The following KCNQ2 variants were observed in gnomAD, a reference collection of about 807,000 sequenced individuals.
KCNQ2 encodes the protein potassium voltage-gated channel subfamily KQT member 2.
A neutral mutation model predicts 84.8 loss-of-function variants in KCNQ2; 14 were observed. The ratio of observed to expected loss-of-function variants is 0.17; its 90% confidence interval spans 0.11 to 0.26. The LOEUF (loss-of-function observed/expected upper bound fraction) is 0.26, where lower values mean the gene tolerates loss of function less well. Ranked by LOEUF, KCNQ2 falls within the 10% of genes least tolerant of loss-of-function variation. KCNQ2 has a pLI of 1.00. For missense variants in KCNQ2, 788 were observed against 1,254.0 expected (o/e 0.63, Z 5.61); for synonymous variants, 599 against 554.1 (o/e 1.08, Z -1.14).
rs546484797 is a variant in KCNQ2, at chr20:63,408,818, C to T, written c.1764-282G>A. Reference sequence around the variant, plus strand: ...ACGCTCCCACCAGGGCCGAGTCGCCCGGCTCCTCTCCGTGGGCTCCCGGCT... The same window carrying T: ...ACGCTCCCACCAGGGCCGAGTCGCCTGGCTCCTCTCCGTGGGCTCCCGGCT... On this transcript the variant is annotated intron_variant, in intron 15 of 16. Transcript: ENST00000359125. This position sits in a 1 kb window ranked among gnomAD's most constrained non-coding sequence, Gnocchi z 5.0. Among the ~76,000 whole-genome samples the T allele has an allele frequency of 3.5e-4, 53 of 152,306 alleles. No individual in the cohort carries two copies. The Middle Eastern group carries it at 0.01, about 29-fold the overall frequency.
At chr20:63,416,503 C>T (rs1047671862) in intron 12 of KCNQ2, among the ~76,000 whole-genome samples, 7 of 152,194 alleles carry the variant, frequency 4.6e-5, no homozygotes, top group Non-Finnish European at 8.8e-5. Context: ...ACTGGGGACC[C>T]GCTCATGCCC....
intron 1 of KCNQ2, 32 bp downstream of exon 1, chr20:63,472,136 G>C: frequency 6.9e-7 from 1 of 1,449,484 alleles, no homozygotes. Context: ...GTCGCCATGG[G>C]GGTCGCCACG....
chr20:63,436,343 A>AAC (rs771750233), intron 7 of KCNQ2, among the ~76,000 whole-genome samples: 30 of 152,166 alleles, frequency 2.0e-4, no homozygotes, highest in Non-Finnish European at 3.8e-4. Flanking sequence ...CATCCTGGCT[A>AAC]ACACGGTGAA....
intron 1 of KCNQ2, among the ~76,000 whole-genome samples, chr20:63,462,885 G>A (rs866603821): frequency 3.3e-5 from 5 of 151,452 alleles, no homozygotes; most frequent in South Asian, 2.1e-4. Flanking sequence ...GAAAAGAAGT[G>A]AGTGAACACA....
At position 63,428,249 on chromosome 20, in the gene KCNQ2, G is replaced by A. The variant is rs547253890; in HGVS notation, c.1217+118C>T. 61 of 760,612 alleles carry A rather than the reference G, an allele frequency of 8.0e-5. 1 individual carries two copies. Among genetic ancestry groups the A allele is most frequent in the Middle Eastern group, 6.1e-4 (2 of 3,284 alleles). 47.1% of individuals were successfully genotyped at this position (760,612 alleles called of 1,614,324 possible). A position where few individuals can be genotyped will look rare whatever the true frequency, so the allele number is the denominator to read the frequency against. On this transcript the variant is annotated intron_variant, in intron 10 of 16. Transcript: ENST00000359125. ...CACCATCACCAAGTCCAGCGTCCCCGCGCGTCCCAGCTCCCTGGAGTCCCT... is the reference window on the plus strand; with the variant it reads ...CACCATCACCAAGTCCAGCGTCCCCACGCGTCCCAGCTCCCTGGAGTCCCT...
At chr20:63,417,692 G>A (rs547717116) in intron 12 of KCNQ2, among the ~76,000 whole-genome samples, 1 of 152,382 alleles carries the variant, frequency 6.6e-6, no homozygotes, top group East Asian at 1.9e-4. Context: ...CCCACAGTCC[G>A]CAGGGAGTTG....
intron 1 of KCNQ2, among the ~76,000 whole-genome samples, chr20:63,457,828 G>A (rs564805214): frequency 1.4e-3 from 206 of 152,360 alleles, no homozygotes; most frequent in African/African-American, 4.7e-3. Flanking sequence ...TCTGGGAGCT[G>A]CAGCTGTGGG....
chr20:63,461,913 G>A (rs1249090625), intron 1 of KCNQ2, among the ~76,000 whole-genome samples: 37 of 131,650 alleles, frequency 2.8e-4, no homozygotes, highest in Non-Finnish European at 3.2e-4. Flanking sequence ...GGAGCAGGGA[G>A]GAGGCTGCAC....
At chr20:63,470,027 TG>T (rs1298319161) in intron 1 of KCNQ2, among the ~76,000 whole-genome samples, 1 of 152,218 alleles carries the variant, frequency 6.6e-6, no homozygotes, top group Admixed American at 6.5e-5. Context: ...CACAAAGCCC[TG>T]GGTTGAGAAG....
intron 1 of KCNQ2, among the ~76,000 whole-genome samples, chr20:63,458,370 C>T (rs558682245): frequency 2.0e-5 from 3 of 152,236 alleles, no homozygotes; most frequent in Non-Finnish European, 2.9e-5. Context: ...GTGGACCCCA[C>T]GCGACCCATC....
chr20:63,457,109 G>A lies in KCNQ2; in HGVS notation c.297-10272C>T, dbSNP rs535702764. Among the ~76,000 whole-genome samples, 19 of 152,346 alleles carry A rather than the reference G, an allele frequency of 1.2e-4. No homozygotes were observed. The South Asian group carries it at 2.5e-3, about 20-fold the overall frequency. On this transcript the variant is annotated intron_variant, in intron 1 of 16. Transcript: ENST00000359125. ...CTCAGAAGTGACGGGCGCGGGCGCCGCTGACAGAGTCCAGGCGTGAACCGG... is the reference window on the plus strand; with the variant it reads ...CTCAGAAGTGACGGGCGCGGGCGCCACTGACAGAGTCCAGGCGTGAACCGG...
intron 12 of KCNQ2, among the ~76,000 whole-genome samples, chr20:63,416,773 G>T (rs975334275): frequency 6.6e-6 from 1 of 152,032 alleles, no homozygotes; most frequent in Admixed American, 6.5e-5. Flanking sequence ...CCCACCAGAC[G>T]GCACAGAGAT....
At chr20:63,466,944 AG>A (rs2082097724) in intron 1 of KCNQ2, among the ~76,000 whole-genome samples, 1 of 152,244 alleles carries the variant, frequency 6.6e-6, no homozygotes, top group South Asian at 2.1e-4. Flanking sequence ...TAGTTAAGAC[AG>A]CCCCCCGTGA....
In KCNQ2 at chr20:63,442,400, A is replaced by G; in HGVS notation, c.816+6T>C. On this transcript the variant is annotated splice_donor_region_variant and intron_variant, in intron 5 of 16. Transcript: ENST00000359125. The stretch of plus-strand genomic sequence containing the variant: ...GAAAGGGAAAACCACAATGACCACA[A>G]CTCACCAGGCCCCACCAGAGTGCAT... The G allele has an allele frequency of 6.2e-7, 1 of 1,613,398 alleles. No individual in the cohort carries two copies. The highest frequency in any genetic ancestry group is 1.3e-5 in the African/African-American group (1 of 74,790).
At position 63,402,274 on chromosome 20, in the gene KCNQ2, AC is replaced by A. The variant is rs1462976665; in HGVS notation, c.*4369del. The A allele has an allele frequency of 2.8e-5, 5 of 179,608 alleles. No homozygotes were observed. Among genetic ancestry groups the A allele is most frequent in the African/African-American group, 1.2e-4 (5 of 41,572 alleles). 11.1% of individuals were successfully genotyped at this position (179,608 alleles called of 1,614,324 possible). Reference sequence around the variant, plus strand: ...TCCACGGCAGGTCCGAGCTTTGTGAACCGTCCCTCTCACGTCTGCTTTGAGG... The same window carrying A: ...TCCACGGCAGGTCCGAGCTTTGTGAACGTCCCTCTCACGTCTGCTTTGAGG... On this transcript the variant is annotated 3_prime_UTR_variant, in exon 17 of 17. Coordinates refer to ENST00000359125, the MANE Select transcript of KCNQ2 (RefSeq NM_172107.4).
chr20:63,409,597 G>A (rs924185735), intron 15 of KCNQ2, among the ~76,000 whole-genome samples: 2 of 152,244 alleles, frequency 1.3e-5, no homozygotes, highest in African/African-American at 4.8e-5. Context: ...TCAAGACGGG[G>A]TGTGGCTGAG....
rs1249503280 is a variant in KCNQ2, at chr20:63,439,587, G to A, written c.927+11C>T. 1.2e-6 allele frequency: 2 copies of A among 1,601,568 alleles called. No homozygotes were observed. The highest frequency in any genetic ancestry group is 3.3e-5 in the Admixed American group (2 of 60,018). The stretch of plus-strand genomic sequence containing the variant: ...TCCCCCTCCAAGGCAGGCAGGGGCA[G>A]CTGGACTTACTGCAGGCAGCGCGAA... On this transcript the variant is annotated intron_variant, in intron 6 of 16. Coordinates refer to ENST00000359125, the MANE Select transcript of KCNQ2 (RefSeq NM_172107.4).
chr20:63,467,869 C>A (rs1485491043), intron 1 of KCNQ2, among the ~76,000 whole-genome samples: 5 of 152,168 alleles, frequency 3.3e-5, no homozygotes, highest in African/African-American at 4.8e-5. Flanking sequence ...AGGGCGCCGG[C>A]ACCTCTGGAG....
chr20:63,427,125 G>A (rs745647636), intron 10 of KCNQ2, among the ~76,000 whole-genome samples: 1 of 152,244 alleles, frequency 6.6e-6, no homozygotes, highest in Non-Finnish European at 1.5e-5. Flanking sequence ...AGGAGGCTGA[G>A]GCAGGAGAAT....
Sources: gnomAD v4.1 joint callset for allele counts (sites outside exome capture counted in the v4.1 genomes callset) on GRCh38, gnomAD v4.1.1 for gene constraint, Gnocchi (gnomAD v3.1) non-coding constraint, MANE v1.5 for transcripts, NCBI Gene and HGNC (gene_info 2026-07-23, HGNC 2026-07-21) for gene names.